The following AR variants were observed in gnomAD, a reference collection of about 807,000 sequenced individuals.
The protein encoded by AR is androgen receptor, also known as dihydrotestosterone receptor.
AR carries 8 observed loss-of-function variants against 53.9 expected under a neutral mutation model. That is an observed-to-expected ratio of 0.15 (90% CI 0.09 to 0.27). The LOEUF (loss-of-function observed/expected upper bound fraction) is 0.27, where lower values mean the gene tolerates loss of function less well. Ranked by LOEUF, AR falls within the 10% of genes least tolerant of loss-of-function variation. The pLI, the probability that AR is intolerant of heterozygous loss-of-function variation, is 1.00. For synonymous variants in AR, 359 were observed against 316.4 expected, an observed-to-expected ratio of 1.13 and a Z score of -1.43; for missense variants, 639 against 742.5, an observed-to-expected ratio of 0.86 and a Z score of 1.62.
chrX:67,667,667 A>T (rs925289657), intron 2 of AR, among the ~76,000 whole-genome samples: 19 of 111,658 alleles, frequency 1.7e-4, no homozygotes, highest in African/African-American at 5.9e-4. Context: ...GGACATTTTA[A>T]CAATATCAAT....
At chrX:67,637,722 G>A (rs1925516857) in intron 1 of AR, among the ~76,000 whole-genome samples, 1 of 111,159 alleles carries the variant, frequency 9.0e-6, no homozygotes, top group Admixed American at 9.6e-5. Flanking sequence ...AGGCTTAACT[G>A]AAACTTTATA....
At chrX:67,669,785 C>T (rs1201047095) in intron 2 of AR, among the ~76,000 whole-genome samples, 1 of 110,173 alleles carries the variant, frequency 9.1e-6, no homozygotes, top group African/African-American at 3.3e-5. Flanking sequence ...ACCCCTTTAT[C>T]ATTATATAAT....
intron 3 of AR, among the ~76,000 whole-genome samples, chrX:67,710,003 C>T (rs2076086993): frequency 9.0e-6 from 1 of 111,206 alleles, no homozygotes. Flanking sequence ...GTGTGCCTGC[C>T]AACCTTTCCG....
At chrX:67,672,678 G>A (rs760459743) in intron 2 of AR, among the ~76,000 whole-genome samples, 13 of 110,683 alleles carry the variant, frequency 1.2e-4, no homozygotes, top group African/African-American at 2.3e-4. Flanking sequence ...TCACTTTGTC[G>A]TTTCTATTTA....
chrX:67,636,009 G>T (rs765734129), intron 1 of AR, among the ~76,000 whole-genome samples: 21 of 111,014 alleles, frequency 1.9e-4, no homozygotes, highest in Non-Finnish European at 3.4e-4. Context: ...TAATATCAAA[G>T]AATACATGTA....
At chrX:67,651,649 G>A (rs1926353167) in intron 2 of AR, among the ~76,000 whole-genome samples, 1 of 111,747 alleles carries the variant, frequency 8.9e-6, no homozygotes, top group South Asian at 3.8e-4. Flanking sequence ...TCAAATATGA[G>A]AGAAGGAAGT....
intron 1 of AR, among the ~76,000 whole-genome samples, chrX:67,582,447 G>A (rs1922338204): frequency 8.9e-6 from 1 of 111,786 alleles, no homozygotes; most frequent in African/African-American, 3.3e-5. Context: ...TTCTCCATGG[G>A]AAGAGGATGT....
intron 3 of AR, among the ~76,000 whole-genome samples, chrX:67,705,553 A>G (rs1453730545): frequency 2.7e-5 from 3 of 111,372 alleles, no homozygotes; most frequent in East Asian, 2.8e-4. Flanking sequence ...GGGCTGAGAC[A>G]ATGGGGTTTT....
chrX:67,642,197 A>G (rs1313644002), intron 1 of AR, among the ~76,000 whole-genome samples: 3 of 111,962 alleles, frequency 2.7e-5, no homozygotes, highest in African/African-American at 9.7e-5. Flanking sequence ...TAGCATGGGC[A>G]GTTGTCATCT....
chrX:67,549,023 A>T (rs1171109413), intron 1 of AR, among the ~76,000 whole-genome samples: 3 of 112,466 alleles, frequency 2.7e-5, no homozygotes, highest in Non-Finnish European at 5.6e-5. Flanking sequence ...GGTTTATTGA[A>T]AATTAATCAA....
intron 1 of AR, among the ~76,000 whole-genome samples, chrX:67,555,925 A>G (rs1490687839): frequency 8.9e-6 from 1 of 112,423 alleles, no homozygotes; most frequent in East Asian, 2.8e-4. Context: ...ATAAGCTACT[A>G]TGGTACTTAC....
rs2147317241 is a variant in AR at position 67,545,737 on chromosome X, G to A, written c.591G>A (p.Gln197=). The change falls in exon 1 of 8, where the codon CAG becomes CAA. Residue 197 remains glutamine (Q), a synonymous_variant. Coordinates refer to ENST00000374690, the MANE Select transcript of AR (RefSeq NM_000044.6). The part of the protein sequence containing the change: ...EASTMQLLQQ[Q]QQEAVSEGSS... ...GCACCATGCAACTCCTTCAGCAACA[G>A]CAGCAGGAAGCAGTATCCGAAGGCA... 2 of 1,211,065 alleles carry A rather than the reference G, an allele frequency of 1.7e-6. No individual in the cohort carries two copies. Among genetic ancestry groups the A allele is most frequent in the Non-Finnish European group, 2.2e-6 (2 of 895,030 alleles).
intron 3 of AR, among the ~76,000 whole-genome samples, chrX:67,707,873 A>G (rs893683364): frequency 9.0e-6 from 1 of 111,686 alleles, no homozygotes; most frequent in African/African-American, 3.3e-5. Context: ...GCTTGTTTTT[A>G]AAGTATTTTA....
Position 67,545,635 on chromosome X carries a change from G to A in AR, c.489G>A (p.Thr163=). 1 of 1,193,725 alleles carries A rather than the reference G, an allele frequency of 8.4e-7. No homozygotes were observed. The highest frequency in any genetic ancestry group is 1.1e-6 in the Non-Finnish European group (1 of 886,270). The change falls in exon 1 of 8, where the codon ACG becomes ACA. Residue 163 remains threonine (T), a synonymous_variant. Transcript: ENST00000374690. The part of the protein sequence containing the change: ...PDEDDSAAPS[T]LSLLGPTFPG... ...AGGATGACTCAGCTGCCCCATCCACGTTGTCCCTGCTGGGCCCCACTTTCC... is the reference window on the plus strand; with the variant it reads ...AGGATGACTCAGCTGCCCCATCCACATTGTCCCTGCTGGGCCCCACTTTCC...
At chrX:67,680,051 C>T (rs1221043703) in intron 2 of AR, among the ~76,000 whole-genome samples, 1 of 111,983 alleles carries the variant, frequency 8.9e-6, no homozygotes, top group African/African-American at 3.2e-5. Flanking sequence ...TTTAAATTGA[C>T]ATATTTAATC....
chrX:67,629,345 T>A (rs1162818544), intron 1 of AR, among the ~76,000 whole-genome samples: 1 of 109,598 alleles, frequency 9.1e-6, no homozygotes, highest in African/African-American at 3.3e-5. Flanking sequence ...GAGATTCAAC[T>A]TCTTCCTGGT....
At chrX:67,611,678 TC>T (rs780605271) in intron 1 of AR, among the ~76,000 whole-genome samples, 8 of 111,752 alleles carry the variant, frequency 7.2e-5, no homozygotes, top group Non-Finnish European at 1.1e-4. Context: ...CCAAAAAGAC[TC>T]ACGAATTATG....
intron 3 of AR, among the ~76,000 whole-genome samples, chrX:67,696,249 A>G (rs1324584427): frequency 9.0e-6 from 1 of 110,670 alleles, no homozygotes; most frequent in Non-Finnish European, 1.9e-5. Context: ...ATGTAATTGT[A>G]AAAGCATGTA....
At chrX:67,647,210 A>T (rs1926100302) in intron 2 of AR, among the ~76,000 whole-genome samples, 1 of 112,165 alleles carries the variant, frequency 8.9e-6, no homozygotes, top group South Asian at 3.7e-4. Context: ...TGTTTGGTAC[A>T]CATCATAAAA....
Sources: allele counts gnomAD v4.1 joint callset (sites outside exome capture counted in the v4.1 genomes callset), GRCh38; gene constraint gnomAD v4.1.1; transcripts MANE v1.5; gene names NCBI Gene and HGNC (gene_info 2026-07-23, HGNC 2026-07-21).